The following CEP295 variants were observed in gnomAD, a reference collection of about 807,000 sequenced individuals.
The protein encoded by CEP295 is centrosomal protein 295.
In CEP295, 190 loss-of-function variants were observed where a neutral mutation model predicts 291.6. The observed-to-expected ratio is 0.65, with a 90% confidence interval of 0.58 to 0.73. The LOEUF (loss-of-function observed/expected upper bound fraction) is 0.73. Ranked by LOEUF, CEP295 falls within the 30% of genes least tolerant of loss-of-function variation. The pLI is 0.00. For missense variants in CEP295, 2,863 were observed against 2,949.4 expected (o/e 0.97, Z 0.68); for synonymous variants, 993 against 1,038.8 (o/e 0.96, Z 0.85).
At chr11:93,686,219 T>C (rs1324704541) in intron 9 of CEP295, among the ~76,000 whole-genome samples, 2 of 151,768 alleles carry the variant, frequency 1.3e-5, no homozygotes, top group African/African-American at 4.8e-5. Flanking sequence ...CATGGGAGGC[T>C]GAGGCAGGAT....
Position 93,698,951 on chromosome 11 carries a change from C to G in CEP295, c.4039C>G (p.Gln1347Glu). The change falls in exon 15 of 30, where the codon CAA becomes GAA. Residue 1347 changes from glutamine to glutamate, a missense_variant. Physicochemically the swap from Gln to Glu is conservative, Grantham distance 29. Transcript: ENST00000325212. The stretch of plus-strand genomic sequence containing the variant: ...GAGGATATCGCAACTTATCCAGCCT[C>G]AACAAGATAATTTGAAGGCACTTCA... ...LLRISQLIQPQQDNLKALQEQ... is the reference protein window; with the variant it reads ...LLRISQLIQPEQDNLKALQEQ... 6.4e-7 allele frequency: 1 copy of G among 1,551,328 alleles called. No individual in the cohort carries two copies. The highest frequency in any genetic ancestry group is 8.7e-7 in the Non-Finnish European group (1 of 1,146,976).
chr11:93,669,114 C>G (rs893933883), intron 4 of CEP295, among the ~76,000 whole-genome samples, 182 bp downstream of exon 4: 4 of 152,070 alleles, frequency 2.6e-5, no homozygotes, highest in Non-Finnish European at 5.9e-5. Flanking sequence ...AACATAGTAA[C>G]TAATGAGCTT....
intron 1 of CEP295, among the ~76,000 whole-genome samples, chr11:93,664,421 T>G (rs1210418845): frequency 2.0e-5 from 3 of 152,260 alleles, no homozygotes; most frequent in Non-Finnish European, 4.4e-5. Context: ...CCTTGTTTCT[T>G]CATGTATAGC....
chr11:93,673,298 A>G (rs1565433389), intron 5 of CEP295, among the ~76,000 whole-genome samples: 1 of 152,142 alleles, frequency 6.6e-6, no homozygotes, highest in African/African-American at 2.4e-5. Context: ...ATATATATGT[A>G]TATGTGTATA....
Position 93,699,149 on chromosome 11 carries a change from T to A in CEP295, c.4237T>A (p.Ser1413Thr), listed in dbSNP as rs1353088753. 6.4e-7 allele frequency: 1 copy of A among 1,551,378 alleles called. No homozygotes were observed. The highest frequency in any genetic ancestry group is 1.4e-5 in the African/African-American group (1 of 73,042). ...HSFASLPLNE[S>T]ERNQEPCSIN... Reference sequence around the variant, plus strand: ...ATTCGCCTCATTACCTCTTAATGAATCTGAAAGAAACCAAGAACCATGTTC... The same window carrying A: ...ATTCGCCTCATTACCTCTTAATGAAACTGAAAGAAACCAAGAACCATGTTC... Residue 1413 changes from serine to threonine, a missense_variant, in exon 15 of 30, where the codon TCT becomes ACT. Transcript: ENST00000325212.
intron 20 of CEP295, chr11:93,722,646 T>G (rs1235251973): frequency 5.9e-6 from 1 of 168,846 alleles, no homozygotes; most frequent in African/African-American, 2.4e-5. Flanking sequence ...CACTGATCTC[T>G]TAACAATATG....
chr11:93,664,753 A>G (rs1326756329), intron 1 of CEP295, among the ~76,000 whole-genome samples: 2 of 152,340 alleles, frequency 1.3e-5, no homozygotes, highest in East Asian at 1.9e-4. Context: ...CTGGAAAGGT[A>G]TTAGTCCCTG....
chr11:93,725,941 C>T, intron 23 of CEP295, 110 bp downstream of exon 23: 1 of 785,998 alleles, frequency 1.3e-6, no homozygotes, highest in Non-Finnish European at 2.0e-6. Flanking sequence ...TGCTCTCACC[C>T]CTATCCTGGG....
At chr11:93,667,160 G>A (rs1376601038) in intron 2 of CEP295, among the ~76,000 whole-genome samples, 1 of 152,204 alleles carries the variant, frequency 6.6e-6, no homozygotes, top group African/African-American at 2.4e-5. Flanking sequence ...TCAGGAAATT[G>A]CAGATAACCC....
Position 93,666,832 on chromosome 11 carries a change from A to T in CEP295, c.108+17A>T. The T allele has an allele frequency of 7.7e-7, 1 of 1,306,592 alleles. No homozygotes were observed. Among genetic ancestry groups the T allele is most frequent in the Non-Finnish European group, 1.1e-6 (1 of 936,158 alleles). The allele number at this position is 1,306,592 out of a possible 1,614,324, so 80.9% of individuals were successfully genotyped here. A position where few individuals can be genotyped will look rare whatever the true frequency, so the allele number is the denominator to read the frequency against. ...TTGCTACAGGTATGACTTATTTGTAATAAAGTTTTAAATTCCTTTCTTCCT... is the reference window on the plus strand; with the variant it reads ...TTGCTACAGGTATGACTTATTTGTATTAAAGTTTTAAATTCCTTTCTTCCT... On this transcript the variant is annotated intron_variant, in intron 2 of 29. Transcript: ENST00000325212.
At chr11:93,666,468 C>T (rs1331163485) in intron 1 of CEP295, among the ~76,000 whole-genome samples, 1 of 152,038 alleles carries the variant, frequency 6.6e-6, no homozygotes, top group Non-Finnish European at 1.5e-5. Context: ...GTGGCATGCA[C>T]CTGTAATCCC....
At position 93,729,623 on chromosome 11, in the gene CEP295, G is replaced by A. The variant is rs748809577; in HGVS notation, c.7409G>A (p.Arg2470His). ...TCTTTTCCCCCAGCAGAAACCCCTC[G>A]CAGGCTTACACCTGTACCAGGGAGC... The part of the protein sequence containing the change: ...KPRTASTETP[R>H]RLTPVPGSLQ... The change falls in exon 27 of 30, where the codon CGC becomes CAC. Residue 2470 changes from arginine to histidine, a missense_variant. Around this residue, in one of 3 missense-constraint regions of CEP295, gnomAD observed 2,295 missense variants for 2,335.7 expected, o/e 0.98. Coordinates refer to ENST00000325212, the MANE Select transcript of CEP295 (RefSeq NM_033395.2). 59 of 1,550,024 alleles carry A rather than the reference G, an allele frequency of 3.8e-5. No individual in the cohort carries two copies. Among genetic ancestry groups the A allele is most frequent in the South Asian group, 8.3e-5 (7 of 83,958 alleles).
intron 9 of CEP295, among the ~76,000 whole-genome samples, chr11:93,686,801 A>G (rs1951265410): frequency 6.6e-6 from 1 of 152,206 alleles, no homozygotes; most frequent in African/African-American, 2.4e-5. Context: ...GTACATTGAC[A>G]TATGTGAAAT....
At chr11:93,709,624 T>G (rs1591105144) in intron 18 of CEP295, among the ~76,000 whole-genome samples, 1 of 152,184 alleles carries the variant, frequency 6.6e-6, no homozygotes, top group Non-Finnish European at 1.5e-5. Flanking sequence ...TTGGCTATTC[T>G]GGGTCTTTTG....
At position 93,670,665 on chromosome 11, in the gene CEP295, T is replaced by C. The variant is rs116726529; in HGVS notation, c.528+895T>C. On this transcript the variant is annotated intron_variant, in intron 5 of 29. Coordinates refer to ENST00000325212, the MANE Select transcript of CEP295 (RefSeq NM_033395.2). ...GAGCCATCTACCATGTAACATTTGA[T>C]CCAACAAAATTCAGACGGAAAAGTT... 3.1e-3 allele frequency among the ~76,000 whole-genome samples: 473 copies of C among 152,276 alleles called. 3 individuals carry two copies. Among genetic ancestry groups the C allele is most frequent in the African/African-American group, 0.011 (461 of 41,540 alleles).
rs1950224361 is a variant in CEP295 at position 93,666,805 on chromosome 11, G to C, written c.98G>C (p.Arg33Thr). ...GATTATGAAAGAAGGCGAAAACTAA[G>C]ATTGCTACAGGTATGACTTATTTGT... ...KEDYERRRKLRLLQVREQERD... is the reference protein window; with the variant it reads ...KEDYERRRKLTLLQVREQERD... The change falls in exon 2 of 30, where the codon AGA becomes ACA. Residue 33 changes from arginine (R) to threonine (T), a missense_variant. This residue lies in a region of CEP295 where 554 missense variants were observed against 576.0 expected (regional missense o/e 0.96). Coordinates refer to ENST00000325212, the MANE Select transcript of CEP295 (RefSeq NM_033395.2). The C allele has an allele frequency of 1.3e-6, 2 of 1,519,510 alleles. No homozygotes were observed. Among genetic ancestry groups the C allele is most frequent in the Non-Finnish European group, 1.8e-6 (2 of 1,118,806 alleles). The allele number at this position is 1,519,510 out of a possible 1,614,324, so 94.1% of individuals were successfully genotyped here.
At chr11:93,718,537 T>C (rs914024069) in intron 18 of CEP295, among the ~76,000 whole-genome samples, 1 of 152,194 alleles carries the variant, frequency 6.6e-6, no homozygotes, top group African/African-American at 2.4e-5. Context: ...CTTGCTCCTT[T>C]CTCTCACTTT....
rs377616111 is a variant in CEP295, at chr11:93,729,039, G to C, written c.7302+218G>C. Reference sequence around the variant, plus strand: ...CACTCCAATTTATGCCTGTCTCCAAGACTGGCAGAACTAATCTTATACACC... The same window carrying C: ...CACTCCAATTTATGCCTGTCTCCAACACTGGCAGAACTAATCTTATACACC... On this transcript the variant is annotated intron_variant, in intron 25 of 29. Coordinates refer to ENST00000325212, the MANE Select transcript of CEP295 (RefSeq NM_033395.2). The C allele has an allele frequency of 6.2e-4, 329 of 531,356 alleles. 1 individual carries two copies. Among genetic ancestry groups the C allele is most frequent in the African/African-American group, 5.3e-3 (274 of 52,008 alleles). 32.9% of individuals were successfully genotyped at this position (531,356 alleles called of 1,614,324 possible).
chr11:93,687,859 G>C lies in CEP295; in HGVS notation c.1330G>C (p.Glu444Gln), dbSNP rs892174663. Reference sequence around the variant, plus strand: ...AGAGAGAACGTTATCCTCTGGGCAGGAACAAGGTATTTCTCTCCAAGAGTC... The same window carrying C: ...AGAGAGAACGTTATCCTCTGGGCAGCAACAAGGTATTTCTCTCCAAGAGTC... ...SKERTLSSGQ[E>Q]QVVESDTLTI... Residue 444 changes from glutamate (E) to glutamine (Q), a missense_variant, in exon 10 of 30, where the codon GAA becomes CAA. Transcript: ENST00000325212. 2 of 1,547,092 alleles carry C rather than the reference G, an allele frequency of 1.3e-6. No individual in the cohort carries two copies. Among genetic ancestry groups the C allele is most frequent in the African/African-American group, 1.4e-5 (1 of 72,996 alleles).
Sources: allele counts gnomAD v4.1 joint callset (sites outside exome capture counted in the v4.1 genomes callset), GRCh38; gene constraint gnomAD v4.1.1; regional missense constraint gnomAD v4.1.1; transcripts MANE v1.5; gene names NCBI Gene and HGNC (gene_info 2026-07-23, HGNC 2026-07-21).